The following CALCRL variants were observed in gnomAD, a reference collection of about 807,000 sequenced individuals.
The protein encoded by CALCRL is calcitonin receptor like receptor.
A neutral mutation model predicts 60.4 loss-of-function variants in CALCRL; 27 were observed. The observed-to-expected ratio is 0.45, with a 90% CI of 0.33 to 0.62. The LOEUF (loss-of-function observed/expected upper bound fraction) is 0.62. Ranked by LOEUF, CALCRL falls within the 20% of genes least tolerant of loss-of-function variation. The pLI is 0.03. For missense variants in CALCRL, 424 were observed against 540.7 expected (o/e 0.78, Z 2.14); for synonymous variants, 190 against 182.6 (o/e 1.04, Z -0.33).
intron 1 of CALCRL, among the ~76,000 whole-genome samples, chr2:187,432,342 G>C (rs1340621808): frequency 6.6e-6 from 1 of 152,048 alleles, no homozygotes; most frequent in South Asian, 2.1e-4. Flanking sequence ...TGTCAGAATT[G>C]CATTTTGTGA....
intron 1 of CALCRL, among the ~76,000 whole-genome samples, chr2:187,406,340 A>G (rs935113722): frequency 6.6e-6 from 1 of 152,032 alleles, no homozygotes; most frequent in Non-Finnish European, 1.5e-5. Context: ...AATTATTTGT[A>G]AGCAAACGTG....
intron 1 of CALCRL, among the ~76,000 whole-genome samples, chr2:187,418,503 T>C (rs1172330883): frequency 2.0e-5 from 3 of 152,166 alleles, no homozygotes; most frequent in Non-Finnish European, 4.4e-5. Flanking sequence ...TTCATGAGAG[T>C]AAATAAAACT....
At chr2:187,361,896 G>A (rs908233717) in intron 9 of CALCRL, among the ~76,000 whole-genome samples, 4 of 151,764 alleles carry the variant, frequency 2.6e-5, no homozygotes, top group South Asian at 2.1e-4. Context: ...TGCAGAATAC[G>A]TAACATTAAA....
intron 9 of CALCRL, 81 bp downstream of exon 9, chr2:187,363,295 A>G: frequency 3.8e-6 from 5 of 1,312,152 alleles, no homozygotes; most frequent in Admixed American, 4.9e-5. Context: ...GTACTTAATT[A>G]TACACATTAT....
chr2:187,433,665 A>G (rs1448327699), intron 1 of CALCRL, among the ~76,000 whole-genome samples: 1 of 151,950 alleles, frequency 6.6e-6, no homozygotes, highest in African/African-American at 2.4e-5. Flanking sequence ...CTAAATCTGG[A>G]AAACACAGAA....
intron 1 of CALCRL, among the ~76,000 whole-genome samples, chr2:187,417,990 A>C (rs1212386811): frequency 6.6e-6 from 1 of 152,148 alleles, no homozygotes; most frequent in East Asian, 1.9e-4. Context: ...TCATTATTTA[A>C]CATCTTTGCC....
chr2:187,418,412 T>C (rs1471300498), intron 1 of CALCRL, among the ~76,000 whole-genome samples: 1 of 152,202 alleles, frequency 6.6e-6, no homozygotes, highest in Non-Finnish European at 1.5e-5. Context: ...ATATTTATTT[T>C]TCTGTGTACA....
chr2:187,405,754 C>T (rs895415815), intron 1 of CALCRL, among the ~76,000 whole-genome samples: 2 of 151,942 alleles, frequency 1.3e-5, no homozygotes, highest in South Asian at 2.1e-4. Flanking sequence ...AAAATGCAGA[C>T]GGCTGAAACA....
chr2:187,420,136 T>C (rs923548546), intron 1 of CALCRL, among the ~76,000 whole-genome samples: 1 of 152,226 alleles, frequency 6.6e-6, no homozygotes, highest in Admixed American at 6.5e-5. Context: ...TTTCATGTAG[T>C]GCTTGAAGTA....
At chr2:187,442,606 TA>T (rs1030601832) in intron 1 of CALCRL, among the ~76,000 whole-genome samples, 144 of 151,746 alleles carry the variant, frequency 9.5e-4, no homozygotes, top group African/African-American at 3.1e-3. Flanking sequence ...ATAAGAACTT[TA>T]AAAAAAATGG....
rs770390460 is a variant in CALCRL at position 187,363,528 on chromosome 2, T to C, written c.501-26A>G. 1.9e-6 allele frequency: 3 copies of C among 1,560,462 alleles called. No homozygotes were observed. The Admixed American group carries it at 6.0e-5, about 31-fold the overall frequency. On this transcript the variant is annotated intron_variant, in intron 8 of 14. Coordinates refer to ENST00000392370, the MANE Select transcript of CALCRL (RefSeq NM_005795.6). ...CTAAAAAGCAAGAAAAACAAGTGTG[T>C]TGACATCATGAAATGTTTTTTTATT...
chr2:187,420,845 C>T lies in CALCRL; in HGVS notation c.-293+27194G>A, dbSNP rs564056425. On this transcript the variant is annotated intron_variant, in intron 1 of 14. Transcript: ENST00000392370. The stretch of plus-strand genomic sequence containing the variant: ...TTACTTTCAAATAGATTTAACATAT[C>T]TGAATATTGGATACTTTGCATGAGT... 2.0e-5 allele frequency among the ~76,000 whole-genome samples: 3 copies of T among 152,132 alleles called. No homozygotes were observed. In the East Asian group the frequency reaches 5.8e-4, roughly 29 times the overall value.
At chr2:187,420,207 T>A (rs1689807739) in intron 1 of CALCRL, among the ~76,000 whole-genome samples, 1 of 152,210 alleles carries the variant, frequency 6.6e-6, no homozygotes, top group Admixed American at 6.5e-5. Flanking sequence ...CCAGTGAGTA[T>A]CTTTAAAAGA....
chr2:187,413,719 G>A (rs578038783), intron 1 of CALCRL, among the ~76,000 whole-genome samples: 1 of 152,248 alleles, frequency 6.6e-6, no homozygotes, highest in Non-Finnish European at 1.5e-5. Flanking sequence ...ACAAAAAACT[G>A]TGATTTATAT....
At position 187,368,046 on chromosome 2, in the gene CALCRL, A is replaced by T. The variant is rs1356236244; in HGVS notation, c.501-4544T>A. 3.3e-5 allele frequency among the ~76,000 whole-genome samples: 5 copies of T among 152,150 alleles called. No individual in the cohort carries two copies. The East Asian group carries it at 7.7e-4, about 23-fold the overall frequency. ...ATGTGTAGTTCAGACAGTGAATCTG[A>T]ACTCTGCCATCTATTGATGGTATAA... On this transcript the variant is annotated intron_variant, in intron 8 of 14. Coordinates refer to ENST00000392370, the MANE Select transcript of CALCRL (RefSeq NM_005795.6).
chr2:187,425,757 A>G (rs1296439527), intron 1 of CALCRL, among the ~76,000 whole-genome samples: 1 of 151,992 alleles, frequency 6.6e-6, no homozygotes, highest in African/African-American at 2.4e-5. Context: ...TTCTGTTGAC[A>G]CCTTGTGTAA....
rs1690318405 is a variant in CALCRL at position 187,429,815 on chromosome 2, C to G, written c.-293+18224G>C. Among the ~76,000 whole-genome samples the G allele has an allele frequency of 2.0e-5, 3 of 152,268 alleles. No homozygotes were observed. The South Asian group carries it at 6.2e-4, about 32-fold the overall frequency. On this transcript the variant is annotated intron_variant, in intron 1 of 14. Coordinates refer to ENST00000392370, the MANE Select transcript of CALCRL (RefSeq NM_005795.6). ...CTAATGAAGAGAATGCACCTTTAAA[C>G]TTGGACCTTTCATTATCAGCTACTT...
rs1168954852 is a variant in CALCRL at position 187,369,863 on chromosome 2, A to G, written c.501-6361T>C. ...AGTATAGAGGAGAGAAGTATTCCAA[A>G]TGGGGAAGACATCCCTGTTTGTCAA... is the stretch of plus-strand genomic sequence containing the variant. On this transcript the variant is annotated intron_variant, in intron 8 of 14. Transcript: ENST00000392370. Among the ~76,000 whole-genome samples, 4 of 152,282 alleles carry G rather than the reference A, an allele frequency of 2.6e-5. 1 individual carries two copies. In the East Asian group the frequency reaches 7.7e-4, roughly 29 times the overall value.
intron 1 of CALCRL, among the ~76,000 whole-genome samples, chr2:187,422,877 A>G (rs891340031): frequency 5.3e-5 from 8 of 151,976 alleles, no homozygotes; most frequent in East Asian, 3.9e-4. Flanking sequence ...TTAGTGTAAA[A>G]TATGAGGGGG....
Sources: gnomAD v4.1 joint callset for allele counts (sites outside exome capture counted in the v4.1 genomes callset) on GRCh38, gnomAD v4.1.1 for gene constraint, MANE v1.5 for transcripts, NCBI Gene and HGNC (gene_info 2026-07-23, HGNC 2026-07-21) for gene names.